The following GRID1 variants were observed in gnomAD, a reference collection of about 807,000 sequenced individuals.
GRID1 encodes the protein glutamate ionotropic receptor delta type subunit 1.
A neutral mutation model predicts 98.0 loss-of-function variants in GRID1; 28 were observed. That is an observed-to-expected ratio of 0.29 (90% CI 0.21 to 0.39). The LOEUF (loss-of-function observed/expected upper bound fraction) is 0.39, where lower values mean the gene tolerates loss of function less well. GRID1 is among the 10% of genes least tolerant of loss of function. GRID1 has a pLI of 1.00. For synonymous variants in GRID1, 553 were observed against 538.5 expected (o/e 1.03, Z -0.37); for missense variants, 1,111 against 1,340.5 (o/e 0.83, Z 2.67).
At position 86,090,054 on chromosome 10, in the gene GRID1, T is replaced by G. The variant is rs549665149; in HGVS notation, c.726+48765A>C. Among the ~76,000 whole-genome samples, 5 of 152,028 alleles carry G rather than the reference T, an allele frequency of 3.3e-5. No homozygotes were observed. The South Asian group carries it at 1.0e-3, about 32-fold the overall frequency. ...GAGCCACCGTGCCCAGCCTGGAAATTTTAAAACTAAAAAATACAATAACCA... is the reference window on the plus strand; with the variant it reads ...GAGCCACCGTGCCCAGCCTGGAAATGTTAAAACTAAAAAATACAATAACCA... On this transcript the variant is annotated intron_variant, in intron 4 of 15. Coordinates refer to ENST00000327946, the MANE Select transcript of GRID1 (RefSeq NM_017551.3).
chr10:86,029,102 T>C (rs1589342812), intron 4 of GRID1, among the ~76,000 whole-genome samples: 1 of 152,228 alleles, frequency 6.6e-6, no homozygotes, highest in South Asian at 2.1e-4. Flanking sequence ...TCCAGCATAG[T>C]AGATCCAGCT....
chr10:85,966,634 CA>C (rs775035176), intron 4 of GRID1, among the ~76,000 whole-genome samples: 1 of 151,978 alleles, frequency 6.6e-6, no homozygotes, highest in Non-Finnish European at 1.5e-5. Flanking sequence ...ACCAACAAGG[CA>C]AAACCCTAGC....
Position 85,613,323 on chromosome 10 carries a change from A to G in GRID1, c.2601+84T>C, listed in dbSNP as rs1842753218. The G allele has an allele frequency of 5.8e-6, 8 of 1,373,026 alleles. No individual in the cohort carries two copies. In the South Asian group the frequency reaches 1.1e-4, roughly 20 times the overall value. 85.1% of individuals were successfully genotyped at this position (1,373,026 alleles called of 1,614,324 possible). A position where few individuals can be genotyped will look rare whatever the true frequency, so the allele number is the denominator to read the frequency against. On this transcript the variant is annotated intron_variant, in intron 15 of 15. Coordinates refer to ENST00000327946, the MANE Select transcript of GRID1 (RefSeq NM_017551.3). ...AAGATGACTCAGGTAAATACTAACTAGAAACAACCTGCCCTCCCAATGGCC... is the reference window on the plus strand; with the variant it reads ...AAGATGACTCAGGTAAATACTAACTGGAAACAACCTGCCCTCCCAATGGCC...
chr10:86,141,868 A>G (rs1845015740), intron 3 of GRID1, among the ~76,000 whole-genome samples: 1 of 152,212 alleles, frequency 6.6e-6, no homozygotes, highest in African/African-American at 2.4e-5. Context: ...ATTCCTAAAT[A>G]TGGGAGACTG....
chr10:85,654,432 T>C (rs951971318), intron 12 of GRID1, among the ~76,000 whole-genome samples: 2 of 152,218 alleles, frequency 1.3e-5, no homozygotes, highest in East Asian at 3.8e-4. Flanking sequence ...TTGTAAAATT[T>C]GCATTTTTAT....
At chr10:85,915,332 GTA>G (rs530206828) in intron 5 of GRID1, among the ~76,000 whole-genome samples, 2 of 151,642 alleles carry the variant, frequency 1.3e-5, no homozygotes, top group South Asian at 4.2e-4. Context: ...ACAAACTCAC[GTA>G]TACACACTCA....
Position 85,826,052 on chromosome 10 carries a change from C to T in GRID1, c.1233+28444G>A, listed in dbSNP as rs112954387. 1.7e-4 allele frequency among the ~76,000 whole-genome samples: 26 copies of T among 152,296 alleles called. 1 individual carries two copies. Among genetic ancestry groups the T allele is most frequent in the Admixed American group, 5.9e-4 (9 of 15,302 alleles). ...GATAAATACCCGCAATCAGGCTAGG[C>T]GCGTTGGCTCACGCCTGTAATCCCA... On this transcript the variant is annotated intron_variant, in intron 8 of 15. Transcript: ENST00000327946.
chr10:85,765,319 A>G (rs1842187358), intron 8 of GRID1, among the ~76,000 whole-genome samples: 2 of 151,984 alleles, frequency 1.3e-5, no homozygotes, highest in South Asian at 2.1e-4. Context: ...AGGCCTCAAG[A>G]CCCTCCTGTT....
chr10:85,884,953 C>T (rs939867900), intron 5 of GRID1, among the ~76,000 whole-genome samples: 1 of 151,354 alleles, frequency 6.6e-6, no homozygotes, highest in South Asian at 2.1e-4. Flanking sequence ...TCCTTTTTAC[C>T]AGTCATCAGA....
chr10:85,640,909 C>G (rs991059070), intron 13 of GRID1, among the ~76,000 whole-genome samples: 1 of 152,180 alleles, frequency 6.6e-6, no homozygotes, highest in Admixed American at 6.5e-5. Context: ...TATTTACTGA[C>G]AGAAAAACAC....
At chr10:86,316,712 C>T (rs1847904709) in intron 2 of GRID1, among the ~76,000 whole-genome samples, 1 of 147,770 alleles carries the variant, frequency 6.8e-6, no homozygotes, top group South Asian at 2.1e-4. Flanking sequence ...ACCAGCCTTG[C>T]ATCCTCCGAG....
In GRID1 at chr10:85,921,826, A is replaced by G. The variant is rs755350354; in HGVS notation, c.727-5587T>C. Among the ~76,000 whole-genome samples the G allele has an allele frequency of 5.3e-5, 8 of 152,252 alleles. No homozygotes were observed. In the South Asian group the frequency reaches 1.2e-3, roughly 24 times the overall value. ...CTGTGTCCTTGGCTTTTCACTCAAG[A>G]CTAAGTTGGAGCCATTTCCAAGGGC... On this transcript the variant is annotated intron_variant, in intron 4 of 15. Transcript: ENST00000327946.
At chr10:86,194,202 T>C (rs1845843010) in intron 3 of GRID1, among the ~76,000 whole-genome samples, 1 of 152,040 alleles carries the variant, frequency 6.6e-6, no homozygotes, top group South Asian at 2.1e-4. Context: ...ATCCAACCCC[T>C]AGAAGTACTT....
intron 5 of GRID1, among the ~76,000 whole-genome samples, chr10:85,910,630 C>T (rs1443041990): frequency 6.6e-6 from 1 of 152,184 alleles, no homozygotes; most frequent in Non-Finnish European, 1.5e-5. Flanking sequence ...GAAGACCACA[C>T]ACTGGGATGA....
At chr10:86,234,898 G>A (rs1189310845) in intron 2 of GRID1, among the ~76,000 whole-genome samples, 2 of 152,188 alleles carry the variant, frequency 1.3e-5, no homozygotes, top group Non-Finnish European at 2.9e-5. Context: ...CTACCTGCAG[G>A]CGCACTGATG....
At chr10:85,758,769 G>C (rs1842121743) in intron 8 of GRID1, among the ~76,000 whole-genome samples, 1 of 152,150 alleles carries the variant, frequency 6.6e-6, no homozygotes, top group African/African-American at 2.4e-5. Context: ...GCTATGGATA[G>C]GATTAAATGT....
At chr10:85,794,645 G>T (rs557043551) in intron 8 of GRID1, among the ~76,000 whole-genome samples, 1 of 152,320 alleles carries the variant, frequency 6.6e-6, no homozygotes, top group Admixed American at 6.5e-5. Context: ...TTTGATGGGG[G>T]TTAAGTAATG....
chr10:86,110,289 A>G (rs1332662415), intron 4 of GRID1, among the ~76,000 whole-genome samples: 1 of 149,722 alleles, frequency 6.7e-6, no homozygotes, highest in Non-Finnish European at 1.5e-5. Context: ...TTCTTTATTC[A>G]CCCCCTGGGT....
intron 4 of GRID1, among the ~76,000 whole-genome samples, chr10:85,980,168 C>A (rs1380194854): frequency 6.6e-6 from 1 of 152,204 alleles, no homozygotes; most frequent in East Asian, 1.9e-4. Flanking sequence ...ATTTCTCTTA[C>A]CCGTCAGACC....
Sources: allele counts gnomAD v4.1 joint callset (sites outside exome capture counted in the v4.1 genomes callset), GRCh38; gene constraint gnomAD v4.1.1; transcripts MANE v1.5; gene names NCBI Gene and HGNC (gene_info 2026-07-23, HGNC 2026-07-21).